Variants in RIMS1 observed in about 807,000 individuals in gnomAD.
RIMS1 encodes the protein regulating synaptic membrane exocytosis 1, also known as regulating synaptic membrane exocytosis protein 1.
RIMS1 carries 83 observed loss-of-function variants against 214.1 expected under a neutral mutation model. The ratio of observed to expected loss-of-function variants is 0.39; its 90% CI spans 0.32 to 0.47. RIMS1 has a LOEUF of 0.47. Among genes scored for constraint, RIMS1 ranks in the 20% least tolerant of loss-of-function variants. RIMS1 has a pLI of 0.99. For missense variants in RIMS1, 2,050 were observed against 2,161.8 expected, an observed-to-expected ratio of 0.95 and a Z score of 1.03; for synonymous variants, 793 against 786.8, an observed-to-expected ratio of 1.01 and a Z score of -0.13.
At position 72,242,361 on chromosome 6, in the gene RIMS1, A is replaced by G; in HGVS notation, c.2005A>G (p.Asn669Asp). Reference sequence around the variant, plus strand: ...TGGTAAACCCCTGCCGGGAGCTACAAATGAAGAAGTTTACAACATTATTTT... The same window carrying G: ...TGGTAAACCCCTGCCGGGAGCTACAGATGAAGAAGTTTACAACATTATTTT... ...WNGKPLPGAT[N>D]EEVYNIILES... The change falls in exon 10 of 34, where the codon AAT becomes GAT. Residue 669 changes from asparagine (N) to aspartate (D), a missense_variant. Coordinates refer to ENST00000521978, the MANE Select transcript of RIMS1 (RefSeq NM_014989.7). 6.4e-7 allele frequency: 1 copy of G among 1,564,458 alleles called. No individual in the cohort carries two copies. The highest frequency in any genetic ancestry group is 1.2e-5 in the South Asian group (1 of 84,840).
At chr6:72,290,535 C>A in intron 24 of RIMS1, 144 bp from the exon 25 acceptor site, 1 of 684,820 alleles carries the variant, frequency 1.5e-6, no homozygotes, top group Non-Finnish European at 2.4e-6. Flanking sequence ...GATTTGAATT[C>A]CATTTCAATA....
intron 29 of RIMS1, among the ~76,000 whole-genome samples, chr6:72,372,955 A>G (rs1222107039): frequency 6.6e-6 from 1 of 152,252 alleles, no homozygotes; most frequent in Non-Finnish European, 1.5e-5. Flanking sequence ...TGCTTTCATA[A>G]TAAGACAATT....
intron 4 of RIMS1, among the ~76,000 whole-genome samples, chr6:72,124,911 G>A (rs1037343317): frequency 1.6e-4 from 25 of 152,166 alleles, no homozygotes; most frequent in Middle Eastern, 3.4e-3. Flanking sequence ...GCTTCCTTGC[G>A]ATGGGTTCAA....
At chr6:72,209,087 G>T (rs1472354718) in intron 6 of RIMS1, among the ~76,000 whole-genome samples, 1 of 151,974 alleles carries the variant, frequency 6.6e-6, no homozygotes, top group Non-Finnish European at 1.5e-5. Flanking sequence ...GAATTCATTG[G>T]ATACTCATAT....
intron 2 of RIMS1, among the ~76,000 whole-genome samples, chr6:72,002,097 AT>A (rs1478737128): frequency 3.3e-5 from 5 of 152,078 alleles, no homozygotes; most frequent in Admixed American, 2.6e-4. Flanking sequence ...CTCACACTCC[AT>A]TTTCTGGCTC....
chr6:72,313,416 G>A, intron 27 of RIMS1, 90 bp from the exon 28 acceptor site: 1 of 1,097,638 alleles, frequency 9.1e-7, no homozygotes, highest in East Asian at 2.6e-5. Flanking sequence ...ACCTTTATTT[G>A]GTGTGGGCTA....
intron 1 of RIMS1, among the ~76,000 whole-genome samples, chr6:71,928,202 A>G (rs896482472): frequency 1.3e-5 from 2 of 152,156 alleles, no homozygotes; most frequent in Admixed American, 6.5e-5. Context: ...ACATCTTTGT[A>G]TACACATATA....
intron 26 of RIMS1, among the ~76,000 whole-genome samples, chr6:72,297,748 A>G (rs2094233575): frequency 6.6e-6 from 1 of 152,040 alleles, no homozygotes; most frequent in Non-Finnish European, 1.5e-5. Context: ...GCCTCTCCTT[A>G]GGGATTTAAG....
chr6:72,249,769 T>C (rs1009328994), intron 12 of RIMS1, among the ~76,000 whole-genome samples: 2 of 152,032 alleles, frequency 1.3e-5, no homozygotes, highest in African/African-American at 2.4e-5. Context: ...ACCATGTCTC[T>C]AAAAAATAAA....
chr6:72,123,885 T>C (rs866242204), intron 4 of RIMS1, among the ~76,000 whole-genome samples: 18 of 151,944 alleles, frequency 1.2e-4, no homozygotes, highest in African/African-American at 4.1e-4. Flanking sequence ...TGAGATGGGT[T>C]TCCTGAATAC....
chr6:72,131,791 C>G (rs2040484914), intron 4 of RIMS1, among the ~76,000 whole-genome samples: 1 of 152,092 alleles, frequency 6.6e-6, no homozygotes, highest in East Asian at 1.9e-4. Context: ...CTATGGGAGA[C>G]TGGGGTTTAT....
chr6:72,376,746 C>CA lies in RIMS1; in HGVS notation c.4367-13837dup, dbSNP rs766207091. ...TGGGTGACAGAGAGAGACTCTGTCT[C>CA]AAAAAAAAAAAAAAAGAGAATCAGA... On this transcript the variant is annotated intron_variant, in intron 29 of 33. Transcript: ENST00000521978. Among the ~76,000 whole-genome samples, 522 of 112,576 alleles carry CA rather than the reference C, an allele frequency of 4.6e-3. 3 individuals are homozygous for CA. The highest frequency in any genetic ancestry group is 0.027 in the Middle Eastern group (6 of 222). 73.9% of individuals were successfully genotyped at this position (112,576 alleles called of 152,430 possible). A position where few individuals can be genotyped will look rare whatever the true frequency, so the allele number is the denominator to read the frequency against.
intron 4 of RIMS1, among the ~76,000 whole-genome samples, chr6:72,104,126 T>C (rs1185768380): frequency 6.6e-6 from 1 of 152,092 alleles, no homozygotes; most frequent in Non-Finnish European, 1.5e-5. Context: ...AAATTTAAGA[T>C]TACTTGGAAT....
intron 28 of RIMS1, among the ~76,000 whole-genome samples, chr6:72,329,158 G>T (rs1159270121): frequency 6.6e-6 from 1 of 151,938 alleles, no homozygotes; most frequent in Non-Finnish European, 1.5e-5. Context: ...TGGGCTTATA[G>T]AGCCCATGAA....
intron 1 of RIMS1, among the ~76,000 whole-genome samples, chr6:71,949,615 G>A (rs1300898491): frequency 6.6e-6 from 1 of 152,158 alleles, no homozygotes; most frequent in Non-Finnish European, 1.5e-5. Context: ...AGCTAGCCAT[G>A]CTGATAATCT....
At chr6:71,946,562 G>T (rs918446048) in intron 1 of RIMS1, among the ~76,000 whole-genome samples, 1 of 152,116 alleles carries the variant, frequency 6.6e-6, no homozygotes, top group African/African-American at 2.4e-5. Context: ...ATGGTGCTGG[G>T]AAACCTAGAT....
At chr6:72,190,404 C>T (rs373046312) in intron 6 of RIMS1, among the ~76,000 whole-genome samples, 2 of 147,094 alleles carry the variant, frequency 1.4e-5, no homozygotes, top group Admixed American at 1.4e-4. Flanking sequence ...CAGAGGTTGC[C>T]GTGAGCTGAG....
intron 4 of RIMS1, chr6:72,148,537 C>A (rs987549183): frequency 2.2e-6 from 1 of 456,140 alleles, no homozygotes; most frequent in African/African-American, 2.0e-5. Flanking sequence ...AATGCACTGG[C>A]CTATACTCCC....
chr6:72,087,589 C>T (rs1834985843), intron 2 of RIMS1, among the ~76,000 whole-genome samples: 1 of 152,156 alleles, frequency 6.6e-6, no homozygotes, highest in Admixed American at 6.6e-5. Context: ...TTCCTTGGCC[C>T]CCCAGAAAGT....
Sources: gnomAD v4.1 joint callset for allele counts (sites outside exome capture counted in the v4.1 genomes callset) on GRCh38, gnomAD v4.1.1 for gene constraint, MANE v1.5 for transcripts, NCBI Gene and HGNC (gene_info 2026-07-23, HGNC 2026-07-21) for gene names.